CADM1: variants seen among roughly 807,000 people sequenced by gnomAD.
The protein encoded by CADM1 is TSLC-1.
CADM1 carries 15 observed loss-of-function variants against 53.1 expected under a neutral mutation model. The observed-to-expected ratio is 0.28, with a 90% CI of 0.19 to 0.44. CADM1 has a LOEUF of 0.44. Among genes scored for constraint, CADM1 ranks in the 20% least tolerant of loss-of-function variants. The pLI is 1.00. For synonymous variants in CADM1, 281 were observed against 243.0 expected (o/e 1.16, Z -1.45); for missense variants, 434 against 611.3 (o/e 0.71, Z 3.06).
rs1938937394 is a variant in CADM1 at position 115,174,648 on chromosome 11, TAAATA to T, written c.*1821_*1825del. On this transcript the variant is annotated 3_prime_UTR_variant, in exon 12 of 12. Coordinates refer to ENST00000331581, the MANE Select transcript of CADM1 (RefSeq NM_001301043.2). ...CAAAGAGTTGACACTTTTTCCCCCT[TAAATA>T]AATCAGCATAAGTTTTCCACATAAT... 1 of 981,740 alleles carries T rather than the reference TAAATA, an allele frequency of 1.0e-6. No individual in the cohort carries two copies. Among genetic ancestry groups the T allele is most frequent in the Non-Finnish European group, 1.2e-6 (1 of 828,650 alleles). 60.8% of individuals were successfully genotyped at this position (981,740 alleles called of 1,614,324 possible). A position where few individuals can be genotyped will look rare whatever the true frequency, so the allele number is the denominator to read the frequency against.
intron 7 of CADM1, among the ~76,000 whole-genome samples, chr11:115,210,153 C>G (rs1230889990): frequency 6.6e-6 from 1 of 152,184 alleles, no homozygotes; most frequent in Non-Finnish European, 1.5e-5. Flanking sequence ...CAATACAACC[C>G]AGCAGGAAGT....
At chr11:115,199,783 T>C (rs959022920) in intron 8 of CADM1, among the ~76,000 whole-genome samples, 2 of 152,250 alleles carry the variant, frequency 1.3e-5, no homozygotes, top group Admixed American at 1.3e-4. Context: ...ATGGTGGTGG[T>C]TGAAGTAAGA....
At chr11:115,497,160 TA>T (rs1949636968) in intron 1 of CADM1, among the ~76,000 whole-genome samples, 1 of 152,232 alleles carries the variant, frequency 6.6e-6, no homozygotes, top group Non-Finnish European at 1.5e-5. Context: ...TAGGCATTTT[TA>T]AAAGTCTATG....
At chr11:115,493,035 C>G (rs745534227) in intron 1 of CADM1, among the ~76,000 whole-genome samples, 1 of 151,574 alleles carries the variant, frequency 6.6e-6, no homozygotes, top group African/African-American at 2.4e-5. Flanking sequence ...TAGATGTGTC[C>G]GCTGTCTAAA....
intron 1 of CADM1, among the ~76,000 whole-genome samples, chr11:115,353,746 T>C (rs1273865598): frequency 1.6e-4 from 24 of 152,164 alleles, no homozygotes. Flanking sequence ...CAGATTCTCA[T>C]TCTGCTCCTC....
chr11:115,440,945 A>AT lies in CADM1; in HGVS notation c.124+63325dup, dbSNP rs546743093. Among the ~76,000 whole-genome samples the AT allele has an allele frequency of 2.0e-3, 299 of 151,876 alleles. 3 individuals are homozygous for AT. The highest frequency in any genetic ancestry group is 6.9e-3 in the African/African-American group (287 of 41,394). The stretch of plus-strand genomic sequence containing the variant: ...AGGTGCACATCACCACACCTAACTA[A>AT]TTTTTTTAATAGTGTGTGGAGACGG... On this transcript the variant is annotated intron_variant, in intron 1 of 11. Transcript: ENST00000331581.
intron 1 of CADM1, among the ~76,000 whole-genome samples, chr11:115,315,259 CA>C (rs1944633408): frequency 6.6e-6 from 1 of 152,094 alleles, no homozygotes; most frequent in African/African-American, 2.4e-5. Context: ...ACCTATTAAA[CA>C]GTACAAATTT....
At chr11:115,444,949 T>A (rs572666036) in intron 1 of CADM1, among the ~76,000 whole-genome samples, 148 of 151,978 alleles carry the variant, frequency 9.7e-4, no homozygotes, top group Non-Finnish European at 1.9e-3. Context: ...CGTGGAGGGG[T>A]GAGGAGAGGC....
chr11:115,433,998 A>C (rs1293255156), intron 1 of CADM1, among the ~76,000 whole-genome samples: 2 of 152,204 alleles, frequency 1.3e-5, no homozygotes, highest in African/African-American at 4.8e-5. Context: ...AGTAATTTTA[A>C]TGCTAAGATC....
At chr11:115,410,768 CAAAT>C (rs1388066292) in intron 1 of CADM1, among the ~76,000 whole-genome samples, 2 of 152,168 alleles carry the variant, frequency 1.3e-5, no homozygotes, top group East Asian at 1.9e-4. Flanking sequence ...AACAAACAAA[CAAAT>C]GAGTAAAATC....
intron 1 of CADM1, among the ~76,000 whole-genome samples, chr11:115,368,956 C>A (rs1946240900): frequency 1.5e-5 from 2 of 137,192 alleles, no homozygotes; most frequent in African/African-American, 5.4e-5. Flanking sequence ...TTTAGTAGTG[C>A]AGTTCTAGAG....
At chr11:115,481,971 A>G (rs1049195057) in intron 1 of CADM1, among the ~76,000 whole-genome samples, 2 of 152,082 alleles carry the variant, frequency 1.3e-5, no homozygotes, top group Non-Finnish European at 1.5e-5. Flanking sequence ...ACTTCTCTTT[A>G]TTACCAAGTT....
chr11:115,208,565 C>A (rs2134729431), intron 8 of CADM1, among the ~76,000 whole-genome samples: 1 of 152,290 alleles, frequency 6.6e-6, no homozygotes, highest in Admixed American at 6.5e-5. Flanking sequence ...GGTACCAGGG[C>A]ACACGGTTCA....
chr11:115,358,489 G>A (rs931327390), intron 1 of CADM1, among the ~76,000 whole-genome samples: 3 of 152,068 alleles, frequency 2.0e-5, no homozygotes, highest in African/African-American at 4.8e-5. Flanking sequence ...TCACTATCAC[G>A]AGAACAGCAC....
Position 115,404,344 on chromosome 11 carries a change from AAAATATATATATATATATATAT to A in CADM1, c.124+99905_124+99926del, listed in dbSNP as rs1470318519. ...CTGTCTCGGAAAAAAAAAAAAAAAA[AAAATATATATATATATATATAT>A]ATATATATATATATATATATATGGC... On this transcript the variant is annotated intron_variant, in intron 1 of 11. Transcript: ENST00000331581. Among the ~76,000 whole-genome samples the A allele has an allele frequency of 6.3e-3, 240 of 38,180 alleles. 17 individuals are homozygous for A. Among genetic ancestry groups the A allele is most frequent in the African/African-American group, 0.018 (200 of 11,022 alleles). 25.0% of individuals were successfully genotyped at this position (38,180 alleles called of 152,430 possible). A position where few individuals can be genotyped will look rare whatever the true frequency, so the allele number is the denominator to read the frequency against.
intron 1 of CADM1, among the ~76,000 whole-genome samples, chr11:115,428,248 T>C (rs1947947470): frequency 6.6e-6 from 1 of 152,150 alleles, no homozygotes; most frequent in African/African-American, 2.4e-5. Flanking sequence ...TGGGTTGCTA[T>C]CTAGATATTT....
At chr11:115,418,101 C>T (rs1449762934) in intron 1 of CADM1, among the ~76,000 whole-genome samples, 1 of 152,132 alleles carries the variant, frequency 6.6e-6, no homozygotes, top group Non-Finnish European at 1.5e-5. Flanking sequence ...ACCTTTTGCA[C>T]ATTAAAAGAT....
chr11:115,278,123 G>A (rs1489441440), intron 1 of CADM1, among the ~76,000 whole-genome samples: 1 of 151,964 alleles, frequency 6.6e-6, no homozygotes, highest in Non-Finnish European at 1.5e-5. Flanking sequence ...GCCTGATTAT[G>A]TTGCATAGAA....
chr11:115,380,521 A>C (rs1268445474), intron 1 of CADM1, among the ~76,000 whole-genome samples: 1 of 152,226 alleles, frequency 6.6e-6, no homozygotes, highest in Non-Finnish European at 1.5e-5. Flanking sequence ...TGTTTTCTGA[A>C]TTTATCAAAA....
Sources: allele counts gnomAD v4.1 joint callset (sites outside exome capture counted in the v4.1 genomes callset), GRCh38; gene constraint gnomAD v4.1.1; transcripts MANE v1.5; gene names NCBI Gene and HGNC (gene_info 2026-07-23, HGNC 2026-07-21).